KIAA0319L: variants seen among roughly 807,000 people sequenced by gnomAD.
KIAA0319L encodes KIAA0319 like.
Under a neutral mutation model 120.1 loss-of-function variants are expected in KIAA0319L, and 55 were observed. The ratio of observed to expected loss-of-function variants is 0.46; its 90% CI spans 0.37 to 0.57. KIAA0319L has a LOEUF of 0.57. KIAA0319L is among the 20% of genes least tolerant of loss of function. The pLI, the probability that KIAA0319L is intolerant of heterozygous loss-of-function variation, is 0.00. For synonymous variants in KIAA0319L, 398 were observed against 471.9 expected, an observed-to-expected ratio of 0.84 and a Z score of 2.03; for missense variants, 1,049 against 1,255.3, an observed-to-expected ratio of 0.84 and a Z score of 2.48.
At chr1:35,490,260 T>C (rs1440479482) in intron 3 of KIAA0319L, among the ~76,000 whole-genome samples, 1 of 152,216 alleles carries the variant, frequency 6.6e-6, no homozygotes. Flanking sequence ...GTTAAAGTAC[T>C]AATAAAAGTC....
rs763713493 is a variant in KIAA0319L at position 35,506,627 on chromosome 1, G to A, written c.651C>T (p.Thr217=). ...GCATGCTTACCTCTGCAGAGCCACT[G>A]GTAGTCAGACCACCTAATTCGTTGG... ...NDSNELGGLT[T]SGSAEVHKAI... is the part of the protein sequence containing the mutation. The change falls in exon 3 of 21, where the codon ACC becomes ACT. Residue 217 remains threonine (T), a synonymous_variant. Transcript: ENST00000325722. This position sits in a 1 kb window ranked among gnomAD's most constrained non-coding sequence, Gnocchi z 4.0. The A allele has an allele frequency of 6.8e-6, 11 of 1,613,066 alleles. No homozygotes were observed. The East Asian group carries it at 2.5e-4, about 36-fold the overall frequency.
At chr1:35,516,685 G>T (rs1335572676) in intron 2 of KIAA0319L, among the ~76,000 whole-genome samples, 1 of 152,114 alleles carries the variant, frequency 6.6e-6, no homozygotes, top group Non-Finnish European at 1.5e-5. Flanking sequence ...ATTCAACACA[G>T]TATTAGAAAT....
chr1:35,522,499 C>T (rs1046278495), intron 2 of KIAA0319L, among the ~76,000 whole-genome samples: 3 of 151,918 alleles, frequency 2.0e-5, no homozygotes, highest in Non-Finnish European at 2.9e-5. Flanking sequence ...AGGCTGGTCT[C>T]GAACTCCTGA....
intron 7 of KIAA0319L, among the ~76,000 whole-genome samples, chr1:35,463,577 T>C (rs929101326): frequency 1.3e-5 from 2 of 152,242 alleles, no homozygotes; most frequent in African/African-American, 4.8e-5. Flanking sequence ...TACAAATCCA[T>C]GGCATTTTCT....
intron 18 of KIAA0319L, 134 bp downstream of exon 18, chr1:35,442,771 CT>C (rs946097389): frequency 1.0e-5 from 11 of 1,071,276 alleles, no homozygotes; most frequent in Non-Finnish European, 1.5e-5. Context: ...AGTAAAAGTC[CT>C]CTGCAAACAG....
At chr1:35,471,788 C>G (rs933870645) in intron 5 of KIAA0319L, among the ~76,000 whole-genome samples, 4 of 152,178 alleles carry the variant, frequency 2.6e-5, no homozygotes, top group Admixed American at 2.0e-4. Context: ...GAGTGGTCAT[C>G]TTTTTCTTAT....
At chr1:35,539,671 C>G (rs1312504188) in intron 2 of KIAA0319L, among the ~76,000 whole-genome samples, 1 of 152,204 alleles carries the variant, frequency 6.6e-6, no homozygotes, top group Non-Finnish European at 1.5e-5. Context: ...GGCTCTTCAG[C>G]TTTTCTCTAC....
At chr1:35,459,589 T>C (rs1029490556) in intron 9 of KIAA0319L, among the ~76,000 whole-genome samples, 3 of 149,874 alleles carry the variant, frequency 2.0e-5, no homozygotes, top group Admixed American at 6.6e-5. Flanking sequence ...AGAGCAAGAC[T>C]CTGTCTCAAA....
chr1:35,514,461 T>C (rs1645600393), intron 2 of KIAA0319L, among the ~76,000 whole-genome samples: 1 of 151,880 alleles, frequency 6.6e-6, no homozygotes, highest in Non-Finnish European at 1.5e-5. Flanking sequence ...AATGGCATTC[T>C]GTCTTCTCAC....
chr1:35,460,547 C>T lies in KIAA0319L; in HGVS notation c.1295-110G>A, dbSNP rs904596053. On this transcript the variant is annotated intron_variant, in intron 8 of 20. Transcript: ENST00000325722. ...CAGAGATTTGAAGCTAGGAAAACTT[C>T]ATGAAATTACAGACTATCTCTCCAG... 74 of 924,060 alleles carry T rather than the reference C, an allele frequency of 8.0e-5. No homozygotes were observed. In the South Asian group the frequency reaches 8.3e-4, roughly 10 times the overall value. 57.2% of individuals were successfully genotyped at this position (924,060 alleles called of 1,614,324 possible). A position where few individuals can be genotyped will look rare whatever the true frequency, so the allele number is the denominator to read the frequency against.
intron 3 of KIAA0319L, among the ~76,000 whole-genome samples, chr1:35,484,790 ATATATATATATATATAT>A (rs1319093419): frequency 1.1e-3 from 61 of 55,600 alleles, no homozygotes; most frequent in African/African-American, 4.2e-3. Flanking sequence ...ATATATATAT[ATATATATATATATATAT>A]TTTTTTTTTT....
At chr1:35,530,901 T>C (rs2148467887) in intron 2 of KIAA0319L, among the ~76,000 whole-genome samples, 1 of 152,336 alleles carries the variant, frequency 6.6e-6, no homozygotes, top group South Asian at 2.1e-4. Flanking sequence ...TGGCTTAGGC[T>C]ACAGTTGTTA....
intron 2 of KIAA0319L, among the ~76,000 whole-genome samples, chr1:35,548,024 G>C (rs1025214786): frequency 6.6e-6 from 1 of 151,976 alleles, no homozygotes; most frequent in Non-Finnish European, 1.5e-5. Context: ...GGGAGGCTGG[G>C]GTAGGAGAAT....
chr1:35,554,896 T>C (rs1357667765), intron 1 of KIAA0319L: 1 of 155,560 alleles, frequency 6.4e-6, no homozygotes, highest in African/African-American at 2.4e-5. Context: ...ACACACTTTC[T>C]TACTTTTGAG....
rs764279369 is a variant in KIAA0319L, at chr1:35,442,235, A to T, written c.2870+11T>A. ...AAGCCCGAATGAATTTCAAAGGAAAATCCATCTTACCTCTTACAACAACAG... is the reference window on the plus strand; with the variant it reads ...AAGCCCGAATGAATTTCAAAGGAAATTCCATCTTACCTCTTACAACAACAG... On this transcript the variant is annotated intron_variant, in intron 19 of 20. Coordinates refer to ENST00000325722, the MANE Select transcript of KIAA0319L (RefSeq NM_024874.5). 8.1e-6 allele frequency: 13 copies of T among 1,598,722 alleles called. No homozygotes were observed. The Admixed American group carries it at 2.2e-4, about 27-fold the overall frequency.
In KIAA0319L at chr1:35,447,053, C is replaced by G. The variant is rs560454223; in HGVS notation, c.2513+1120G>C. ...ATTTGCTATCTCACTCACCTTCATTCGTAAAGGGCCAGGTACTACTGAATT... is the reference window on the plus strand; with the variant it reads ...ATTTGCTATCTCACTCACCTTCATTGGTAAAGGGCCAGGTACTACTGAATT... On this transcript the variant is annotated intron_variant, in intron 16 of 20. Coordinates refer to ENST00000325722, the MANE Select transcript of KIAA0319L (RefSeq NM_024874.5). Among the ~76,000 whole-genome samples the G allele has an allele frequency of 7.9e-5, 12 of 152,228 alleles. 1 individual carries two copies. In the East Asian group the frequency reaches 1.2e-3, roughly 15 times the overall value.
At chr1:35,473,969 T>A (rs565129277) in intron 5 of KIAA0319L, among the ~76,000 whole-genome samples, 1 of 152,256 alleles carries the variant, frequency 6.6e-6, no homozygotes. Context: ...TATTAACACA[T>A]ACTTCAAAGG....
chr1:35,483,484 G>A (rs1234403921), intron 3 of KIAA0319L, among the ~76,000 whole-genome samples: 1 of 152,134 alleles, frequency 6.6e-6, no homozygotes, highest in African/African-American at 2.4e-5. Context: ...ACCATTTGTT[G>A]AAAAGATTAT....
At chr1:35,488,985 A>G (rs1469303055) in intron 3 of KIAA0319L, among the ~76,000 whole-genome samples, 1 of 152,246 alleles carries the variant, frequency 6.6e-6, no homozygotes, top group African/African-American at 2.4e-5. Flanking sequence ...GTAGCTAAAG[A>G]TGCAAGGAGA....
Sources: gnomAD v4.1 joint callset for allele counts (sites outside exome capture counted in the v4.1 genomes callset) on GRCh38, gnomAD v4.1.1 for gene constraint, Gnocchi (gnomAD v3.1) non-coding constraint, MANE v1.5 for transcripts, NCBI Gene and HGNC (gene_info 2026-07-23, HGNC 2026-07-21) for gene names.